The following KIF5C variants were observed in gnomAD, a reference collection of about 807,000 sequenced individuals.
KIF5C encodes kinesin family member 5C, also known as kinesin heavy chain isoform 5C.
In KIF5C, 18 loss-of-function variants were observed where a neutral mutation model predicts 125.2. That is an observed-to-expected ratio of 0.14 (90% CI 0.10 to 0.21). The LOEUF (loss-of-function observed/expected upper bound fraction) is 0.21. Among genes scored for constraint, KIF5C ranks in the 10% least tolerant of loss-of-function variants. The pLI, the probability that KIF5C is intolerant of heterozygous loss-of-function variation, is 1.00. For synonymous variants in KIF5C, 405 were observed against 434.0 expected (o/e 0.93, Z 0.83); for missense variants, 780 against 1,183.8 (o/e 0.66, Z 5.01).
At chr2:148,946,824 A>G in intron 7 of KIF5C, 75 bp from the exon 8 acceptor site, 1 of 1,581,436 alleles carries the variant, frequency 6.3e-7, no homozygotes, top group Non-Finnish European at 8.5e-7. Flanking sequence ...ATGACTTGTT[A>G]TGCTTTTTAA....
chr2:148,955,382 A>G (rs1682767998), intron 10 of KIF5C, among the ~76,000 whole-genome samples: 1 of 152,156 alleles, frequency 6.6e-6, no homozygotes, highest in Admixed American at 6.5e-5. Flanking sequence ...ACTCTCAATA[A>G]TAAGGGCGAG....
chr2:148,991,149 T>C lies in KIF5C; in HGVS notation c.1856T>C (p.Met619Thr), dbSNP rs943910102. ...ESAQMDSNRK[M>T]NASERELAAC... ...GCCCAGATGGACTCCAACAGGAAGA[T>C]GAATGCCAGCGAGCGGGAGCTGGCA... Residue 619 changes from methionine to threonine, a missense_variant, in exon 16 of 26, where the codon ATG (methionine) becomes ACG (threonine). By Grantham distance (81) the Met-to-Thr change is moderately conservative (BLOSUM62 -1). This residue lies in a region of KIF5C where 573 missense variants were observed against 742.6 expected (regional missense o/e 0.77). Coordinates refer to ENST00000435030, the MANE Select transcript of KIF5C (RefSeq NM_004522.3). The C allele has an allele frequency of 1.9e-6, 3 of 1,613,934 alleles. No individual in the cohort carries two copies. Among genetic ancestry groups the C allele is most frequent in the Non-Finnish European group, 2.5e-6 (3 of 1,179,848 alleles).
intron 25 of KIF5C, among the ~76,000 whole-genome samples, chr2:149,018,348 A>G (rs1682430392): frequency 6.6e-6 from 1 of 152,194 alleles, no homozygotes; most frequent in Admixed American, 6.5e-5. Flanking sequence ...CTGGCACTGA[A>G]CAAGCACTCC....
At chr2:148,913,071 T>G (rs922521655) in intron 1 of KIF5C, among the ~76,000 whole-genome samples, 2 of 152,244 alleles carry the variant, frequency 1.3e-5, no homozygotes, top group Non-Finnish European at 2.9e-5. Context: ...GTAATTATAC[T>G]CATTTGTGGA....
At chr2:148,988,224 A>G (rs1681434490) in intron 15 of KIF5C, among the ~76,000 whole-genome samples, 1 of 152,016 alleles carries the variant, frequency 6.6e-6, no homozygotes, top group African/African-American at 2.4e-5. Flanking sequence ...CACTAAATAT[A>G]TGAACTTTGT....
intron 1 of KIF5C, among the ~76,000 whole-genome samples, chr2:148,896,778 G>A (rs1680683147): frequency 6.6e-6 from 1 of 152,062 alleles, no homozygotes; most frequent in African/African-American, 2.4e-5. Flanking sequence ...TTTTAGTAGA[G>A]CAGCAGTTTT....
Position 148,934,267 on chromosome 2 carries a change from A to G in KIF5C, c.292-3017A>G, listed in dbSNP as rs1682243040. On this transcript the variant is annotated intron_variant, in intron 3 of 25. Transcript: ENST00000435030. ...TATACACACCACATACAAACACACCACACACCACACACTATATACCACACA... is the reference window on the plus strand; with the variant it reads ...TATACACACCACATACAAACACACCGCACACCACACACTATATACCACACA... Among the ~76,000 whole-genome samples the G allele has an allele frequency of 3.3e-5, 5 of 151,618 alleles. No individual in the cohort carries two copies. In the South Asian group the frequency reaches 1.0e-3, roughly 32 times the overall value.
At chr2:148,959,080 G>A (rs182537439) in intron 10 of KIF5C, among the ~76,000 whole-genome samples, 6 of 152,104 alleles carry the variant, frequency 3.9e-5, no homozygotes, top group Non-Finnish European at 7.4e-5. Flanking sequence ...TTTATGTCTG[G>A]GATCTCTCTG....
intron 9 of KIF5C, 48 bp downstream of exon 9, chr2:148,949,991 CT>C (rs1478768758): frequency 1.3e-6 from 2 of 1,572,446 alleles, no homozygotes; most frequent in Non-Finnish European, 1.7e-6. Context: ...GAGAAACCAC[CT>C]TTTGGGGCCT....
At chr2:148,944,464 G>A (rs1682479178) in intron 7 of KIF5C, among the ~76,000 whole-genome samples, 1 of 152,162 alleles carries the variant, frequency 6.6e-6, no homozygotes, top group Non-Finnish European at 1.5e-5. Flanking sequence ...CCATGTGGTA[G>A]CAAGTGTCCT....
intron 1 of KIF5C, among the ~76,000 whole-genome samples, chr2:148,893,508 GC>G (rs1681761793): frequency 6.6e-6 from 1 of 152,146 alleles, no homozygotes; most frequent in Non-Finnish European, 1.5e-5. Context: ...ACTCGTCCAA[GC>G]CTTTATTGAT....
chr2:148,961,916 G>T, intron 10 of KIF5C, 55 bp from the exon 11 acceptor site: 1 of 1,571,926 alleles, frequency 6.4e-7, no homozygotes, highest in African/African-American at 1.4e-5. Flanking sequence ...TAATCATATT[G>T]GTTTAGCTAA....
intron 1 of KIF5C, among the ~76,000 whole-genome samples, chr2:148,881,469 TA>T (rs1195503232): frequency 6.6e-6 from 1 of 152,140 alleles, no homozygotes; most frequent in Non-Finnish European, 1.5e-5. Context: ...TGTAGTTGTG[TA>T]ATTGCTTAGT....
At chr2:149,011,438 G>A in intron 24 of KIF5C, 132 bp from the exon 25 acceptor site, 1 of 1,264,312 alleles carries the variant, frequency 7.9e-7, no homozygotes, top group Non-Finnish European at 1.1e-6. Flanking sequence ...GAGAGATCTG[G>A]TGGTTGATAA....
In KIF5C at chr2:148,962,016, A is replaced by G; in HGVS notation, c.1014A>G (p.Thr338=). The change falls in exon 11 of 26, where the codon ACA becomes ACG. Residue 338 remains threonine, a synonymous_variant. Transcript: ENST00000435030. ...KNTVSVNLEL[T]AEEWKKKYEK... ...CAGTCTCTGTGAACCTAGAACTGACAGCAGAAGAATGGAAGAAGAAATATG... is the reference window on the plus strand; with the variant it reads ...CAGTCTCTGTGAACCTAGAACTGACGGCAGAAGAATGGAAGAAGAAATATG... 1 of 1,614,070 alleles carries G rather than the reference A, an allele frequency of 6.2e-7. No individual in the cohort carries two copies. The highest frequency in any genetic ancestry group is 8.5e-7 in the Non-Finnish European group (1 of 1,179,902).
At chr2:148,989,558 C>T (rs1681471569) in intron 15 of KIF5C, among the ~76,000 whole-genome samples, 1 of 152,224 alleles carries the variant, frequency 6.6e-6, no homozygotes, top group Admixed American at 6.5e-5. Context: ...TAAAGAATCT[C>T]CACACTGTTT....
intron 4 of KIF5C, among the ~76,000 whole-genome samples, chr2:148,937,765 G>T (rs1186001930): frequency 6.6e-6 from 1 of 152,214 alleles, no homozygotes; most frequent in Non-Finnish European, 1.5e-5. Context: ...CAGGGAAAAG[G>T]GCTGTAAGGC....
chr2:149,011,372 C>G (rs1682190950), intron 24 of KIF5C, among the ~76,000 whole-genome samples, 198 bp from the exon 25 acceptor site: 1 of 152,184 alleles, frequency 6.6e-6, no homozygotes, highest in Non-Finnish European at 1.5e-5. Context: ...TTTCTGTCCC[C>G]TAAATATTTG....
chr2:149,004,625 A>G (rs1264691620), intron 21 of KIF5C, among the ~76,000 whole-genome samples: 1 of 152,266 alleles, frequency 6.6e-6, no homozygotes, highest in African/African-American at 2.4e-5. Context: ...AAAGGAAGCA[A>G]TACAATCCTA....
Sources: gnomAD v4.1 joint callset for allele counts (sites outside exome capture counted in the v4.1 genomes callset) on GRCh38, gnomAD v4.1.1 for gene constraint, gnomAD v4.1.1 regional missense constraint, MANE v1.5 for transcripts, NCBI Gene and HGNC (gene_info 2026-07-23, HGNC 2026-07-21) for gene names.